Variants in EXOC2 observed in about 807,000 individuals in gnomAD.
EXOC2 encodes SEC5-like 1.
In EXOC2, 70 loss-of-function variants were observed where a neutral mutation model predicts 131.8. The observed-to-expected ratio is 0.53, with a 90% CI of 0.44 to 0.65. EXOC2 has a LOEUF of 0.65. Ranked by LOEUF, EXOC2 falls within the 30% of genes least tolerant of loss-of-function variation. The pLI, the probability that EXOC2 is intolerant of heterozygous loss-of-function variation, is 0.00. For missense variants in EXOC2, 923 were observed against 1,108.6 expected (o/e 0.83, Z 2.38); for synonymous variants, 411 against 398.4 (o/e 1.03, Z -0.38).
In EXOC2 at chr6:564,111, G is replaced by A; in HGVS notation, c.1711C>T (p.Leu571=). 6.2e-7 allele frequency: 1 copy of A among 1,614,110 alleles called. No homozygotes were observed. The highest frequency in any genetic ancestry group is 8.5e-7 in the Non-Finnish European group (1 of 1,180,022). ...ATGAGATCCTGGATAGTCTGTAACA[G>A]GTCATTAGGAATTTCAAGGGCAGTC... ...SLTALEIPND[L]LQTIQDLILD... Residue 571 remains leucine (L), a synonymous_variant, in exon 16 of 28, where the codon CTG becomes TTG. Transcript: ENST00000230449.
intron 1 of EXOC2, among the ~76,000 whole-genome samples, chr6:653,743 C>T (rs1042231687): frequency 3.9e-5 from 6 of 152,200 alleles, no homozygotes; most frequent in South Asian, 2.1e-4. Flanking sequence ...CTACACTCAA[C>T]GACACATTTT....
intron 1 of EXOC2, among the ~76,000 whole-genome samples, chr6:687,355 C>G (rs9504763): frequency 0.14 from 21,645 of 151,260 alleles, 1,710 homozygotes; most frequent in African/African-American, 0.21. Flanking sequence ...TAACTTTTTT[C>G]TAATTTTTGT....
chr6:558,693 G>A (rs1310658670), intron 17 of EXOC2, among the ~76,000 whole-genome samples: 10 of 151,946 alleles, frequency 6.6e-5, no homozygotes, highest in Non-Finnish European at 1.5e-4. Context: ...CGTGCCTGTA[G>A]TCCTAGGTAC....
At chr6:563,547 C>G (rs867880516) in intron 16 of EXOC2, among the ~76,000 whole-genome samples, 5 of 151,978 alleles carry the variant, frequency 3.3e-5, no homozygotes, top group African/African-American at 1.2e-4. Context: ...GTAAAGAAAA[C>G]CTTTATGGTT....
intron 17 of EXOC2, among the ~76,000 whole-genome samples, chr6:560,542 G>A (rs937925791): frequency 1.3e-5 from 2 of 152,130 alleles, no homozygotes; most frequent in African/African-American, 4.8e-5. Flanking sequence ...TTCCCAGGTA[G>A]TGCATGTAAA....
At chr6:565,724 G>C (rs969550667) in intron 13 of EXOC2, among the ~76,000 whole-genome samples, 1 of 152,156 alleles carries the variant, frequency 6.6e-6, no homozygotes, top group South Asian at 2.1e-4. Flanking sequence ...ATGCCTTATC[G>C]GTTAACGCAT....
intron 1 of EXOC2, among the ~76,000 whole-genome samples, chr6:643,349 T>TC (rs34293642): frequency 0.71 from 107,588 of 151,876 alleles, 38,746 homozygotes; most frequent in Middle Eastern, 0.88. Flanking sequence ...CACAGGCAAT[T>TC]CCAAAGACCG....
rs996363186 is a variant in EXOC2, at chr6:656,243, C to G, written c.-43-18382G>C. ...GTCCCTCCAAAAACTGCAGAAGCTT[C>G]CGATTGTCCACCCGCACTTGCACCA... On this transcript the variant is annotated intron_variant, in intron 1 of 27. Coordinates refer to ENST00000230449, the MANE Select transcript of EXOC2 (RefSeq NM_018303.6). 12 of 1,614,114 alleles carry G rather than the reference C, an allele frequency of 7.4e-6. No individual in the cohort carries two copies. The African/African-American group carries it at 1.5e-4, about 20-fold the overall frequency.
intron 23 of EXOC2, among the ~76,000 whole-genome samples, chr6:521,258 G>A (rs558078924): frequency 3.3e-5 from 5 of 150,930 alleles, no homozygotes; most frequent in East Asian, 3.9e-4. Flanking sequence ...GTCCACACTC[G>A]GAGACGAAAA....
chr6:677,106 T>G (rs6921724), intron 1 of EXOC2, among the ~76,000 whole-genome samples: 4 of 60,002 alleles, frequency 6.7e-5, no homozygotes, highest in African/African-American at 8.7e-5. Flanking sequence ...CAGCTTTCTC[T>G]GGAGACTGCG....
intron 4 of EXOC2, among the ~76,000 whole-genome samples, chr6:625,518 C>CTTTTTTTTTTTTTTTTTTTTTTT (rs796295514): frequency 9.3e-6 from 1 of 108,058 alleles, no homozygotes; most frequent in Non-Finnish European, 1.9e-5. Flanking sequence ...TGTTTCCGTT[C>CTTTTTTTTTTTTTTTTTTTTTTT]TTTTTTTTTT....
At chr6:624,889 A>G (rs1464520564) in intron 4 of EXOC2, among the ~76,000 whole-genome samples, 4 of 152,338 alleles carry the variant, frequency 2.6e-5, no homozygotes, top group East Asian at 3.9e-4. Context: ...CCCGGCTCAG[A>G]CACATCAGAA....
In EXOC2 at chr6:632,992, C is replaced by CA. The variant is rs1257422569; in HGVS notation, c.243dup (p.Gly82TrpfsTer15). ...AAAGAGACTGTTGAGGTTCCTCTGC[C>CA]ACCTGACTTAGTGGTGACAATAATG... On this transcript the variant is annotated frameshift_variant, in exon 3 of 28. Coordinates refer to ENST00000230449, the MANE Select transcript of EXOC2 (RefSeq NM_018303.6). LOFTEE classifies it high-confidence loss of function. 6.2e-7 allele frequency: 1 copy of CA among 1,614,112 alleles called. No individual in the cohort carries two copies. Among genetic ancestry groups the CA allele is most frequent in the Non-Finnish European group, 8.5e-7 (1 of 1,179,992 alleles).
chr6:505,911 A>G (rs2127495057), intron 23 of EXOC2, among the ~76,000 whole-genome samples: 1 of 152,338 alleles, frequency 6.6e-6, no homozygotes, highest in Non-Finnish European at 1.5e-5. Context: ...TATGCAGTTG[A>G]TAAGTGAATG....
chr6:492,371 G>A (rs920348996), intron 25 of EXOC2, among the ~76,000 whole-genome samples: 25 of 152,212 alleles, frequency 1.6e-4, no homozygotes, highest in African/African-American at 5.5e-4. Context: ...TAAGTATAGA[G>A]TAACCACATG....
chr6:651,089 C>T (rs796080839), intron 1 of EXOC2, among the ~76,000 whole-genome samples: 30 of 150,634 alleles, frequency 2.0e-4, no homozygotes, highest in African/African-American at 5.9e-4. Context: ...AGGGCAGTAG[C>T]GTGTGATCTC....
chr6:686,003 A>T, intron 1 of EXOC2, among the ~76,000 whole-genome samples: 1 of 129,682 alleles, frequency 7.7e-6, no homozygotes. Context: ...ACGGAGTTTT[A>T]CTCTGTCACT....
chr6:493,785 G>A (rs768127851), intron 25 of EXOC2, among the ~76,000 whole-genome samples: 10 of 152,114 alleles, frequency 6.6e-5, no homozygotes, highest in Non-Finnish European at 1.5e-4. Flanking sequence ...AAATACACAT[G>A]TCTGTCCAGG....
intron 5 of EXOC2, among the ~76,000 whole-genome samples, chr6:618,414 C>T (rs951582843): frequency 6.6e-6 from 1 of 152,184 alleles, no homozygotes; most frequent in African/African-American, 2.4e-5. Context: ...TAAAGACAGG[C>T]CTCTGTATTT....
Sources: gnomAD v4.1 joint callset for allele counts (sites outside exome capture counted in the v4.1 genomes callset) on GRCh38, gnomAD v4.1.1 for gene constraint, MANE v1.5 for transcripts, NCBI Gene and HGNC (gene_info 2026-07-23, HGNC 2026-07-21) for gene names.